The following JMJD1C variants were observed in gnomAD, a reference collection of about 807,000 sequenced individuals.
The protein encoded by JMJD1C is jumonji domain containing 1C.
In JMJD1C, 31 loss-of-function variants were observed where a neutral mutation model predicts 245.3. The ratio of observed to expected loss-of-function variants is 0.13; its 90% CI spans 0.09 to 0.17. The LOEUF is 0.17. Among genes scored for constraint, JMJD1C ranks in the 10% least tolerant of loss-of-function variants. JMJD1C has a pLI of 1.00. For missense variants in JMJD1C, 2,691 were observed against 3,000.2 expected, an observed-to-expected ratio of 0.90 and a Z score of 2.41; for synonymous variants, 1,057 against 1,017.4, an observed-to-expected ratio of 1.04 and a Z score of -0.74.
At chr10:63,343,101 T>C (rs1943515914) in intron 2 of JMJD1C, among the ~76,000 whole-genome samples, 1 of 152,054 alleles carries the variant, frequency 6.6e-6, no homozygotes, top group South Asian at 2.1e-4. Context: ...GTGGCTCGCG[T>C]CTGCAATCCC....
In JMJD1C at chr10:63,209,036, ATAATT is replaced by A. The variant is rs750551883; in HGVS notation, c.2867+22_2867+26del. 5.1e-6 allele frequency: 8 copies of A among 1,555,244 alleles called. No homozygotes were observed. The African/African-American group carries it at 1.1e-4, about 21-fold the overall frequency. ...AAGAAAAATTATGAACAAGGTATTT[ATAATT>A]TTTAAGCACTGGTGAACTTACTCCT... On this transcript the variant is annotated intron_variant, in intron 9 of 25. Coordinates refer to ENST00000399262, the MANE Select transcript of JMJD1C (RefSeq NM_032776.3).
chr10:63,276,613 C>T (rs1029783198), intron 2 of JMJD1C, among the ~76,000 whole-genome samples: 1 of 152,138 alleles, frequency 6.6e-6, no homozygotes. Flanking sequence ...TACAGGTGCC[C>T]ACCACCACTA....
In JMJD1C at chr10:63,181,648, C is replaced by T. The variant is rs115385467; in HGVS notation, c.7084+1799G>A. The stretch of plus-strand genomic sequence containing the variant: ...GATTATTTAAAATGTTGAAATTCTC[C>T]TGAAATTTTCTCGAAAGAAATATGC... On this transcript the variant is annotated intron_variant, in intron 22 of 25. Coordinates refer to ENST00000399262, the MANE Select transcript of JMJD1C (RefSeq NM_032776.3). 8.7e-3 allele frequency among the ~76,000 whole-genome samples: 1,332 copies of T among 152,234 alleles called. 21 individuals carry two copies. The highest frequency in any genetic ancestry group is 0.03 in the African/African-American group (1,258 of 41,552).
chr10:63,210,865 C>T (rs1589156775), intron 8 of JMJD1C, among the ~76,000 whole-genome samples: 1 of 152,174 alleles, frequency 6.6e-6, no homozygotes, highest in South Asian at 2.1e-4. Context: ...CACACAGGTT[C>T]CAGTATGACT....
At chr10:63,431,438 A>G (rs993732111) in intron 1 of JMJD1C, among the ~76,000 whole-genome samples, 1 of 152,208 alleles carries the variant, frequency 6.6e-6, no homozygotes, top group East Asian at 1.9e-4. Context: ...CTCCTAAAGT[A>G]TGGTGGTTTC....
chr10:63,424,570 G>C (rs1027726873), intron 1 of JMJD1C, among the ~76,000 whole-genome samples: 1 of 90,064 alleles, frequency 1.1e-5, no homozygotes, highest in Non-Finnish European at 2.7e-5. Flanking sequence ...ACAATGATGC[G>C]ACTGTGGCTC....
At chr10:63,217,061 T>C in intron 5 of JMJD1C, 146 bp downstream of exon 5, 1 of 652,422 alleles carries the variant, frequency 1.5e-6, no homozygotes, top group Non-Finnish European at 2.5e-6. Context: ...CTATGTAATA[T>C]CAGATACATT....
intron 1 of JMJD1C, among the ~76,000 whole-genome samples, chr10:63,409,543 G>A (rs190922666): frequency 6.6e-6 from 1 of 152,122 alleles, no homozygotes; most frequent in Admixed American, 6.5e-5. Flanking sequence ...GGTGAATGAA[G>A]GAAAAACAGA....
chr10:63,425,154 G>A (rs1950367637), intron 1 of JMJD1C, among the ~76,000 whole-genome samples: 2 of 152,120 alleles, frequency 1.3e-5, no homozygotes, highest in African/African-American at 2.4e-5. Flanking sequence ...TGGGAACCCT[G>A]AAGTAAAATA....
intron 2 of JMJD1C, among the ~76,000 whole-genome samples, chr10:63,315,576 T>A (rs1413186871): frequency 6.6e-6 from 1 of 152,088 alleles, no homozygotes; most frequent in South Asian, 2.1e-4. Context: ...CAGTGGCTCA[T>A]GCCTATAATC....
rs1847892984 is a variant in JMJD1C at position 63,215,643 on chromosome 10, A to G, written c.732T>C (p.Asp244=). The G allele has an allele frequency of 6.2e-7, 1 of 1,608,602 alleles. No individual in the cohort carries two copies. The highest frequency in any genetic ancestry group is 1.7e-4 in the Middle Eastern group (1 of 6,048). Residue 244 remains aspartate (D), a synonymous_variant, in exon 6 of 26, where the codon GAT becomes GAC. Coordinates refer to ENST00000399262, the MANE Select transcript of JMJD1C (RefSeq NM_032776.3). ...CTTTTAACAAAGAGTGAACAACATCATCTAGAAAGGTCATTTGAACCATAG... is the reference window on the plus strand; with the variant it reads ...CTTTTAACAAAGAGTGAACAACATCGTCTAGAAAGGTCATTTGAACCATAG... The part of the protein sequence containing the change: ...DPSMVQMTFL[D]DVVHSLLKGE...
At chr10:63,521,629 TGGGAAG>T in intron 1 of JMJD1C, 1 of 1,313,458 alleles carries the variant, frequency 7.6e-7, no homozygotes, top group Non-Finnish European at 1.0e-6. Context: ...AGGGGAGCTG[TGGGAAG>T]GGGAAGGAGC....
intron 1 of JMJD1C, among the ~76,000 whole-genome samples, chr10:63,457,854 T>G (rs1952513983): frequency 6.6e-6 from 1 of 152,214 alleles, no homozygotes; most frequent in Non-Finnish European, 1.5e-5. Flanking sequence ...AAAACTCTTT[T>G]CAGTTTTTCG....
chr10:63,216,824 G>A (rs1256612790), intron 5 of JMJD1C, among the ~76,000 whole-genome samples: 1 of 152,178 alleles, frequency 6.6e-6, no homozygotes, highest in Admixed American at 6.5e-5. Context: ...GAGAAGAAAT[G>A]TACTGTGTGT....
chr10:63,200,413 C>T (rs940542854), intron 11 of JMJD1C, 63 bp downstream of exon 11: 2 of 1,239,192 alleles, frequency 1.6e-6, no homozygotes, highest in African/African-American at 1.5e-5. Context: ...CAGAATAACA[C>T]TATATAATTT....
chr10:63,322,516 T>C (rs10740113), intron 2 of JMJD1C, among the ~76,000 whole-genome samples: 101,120 of 152,050 alleles, frequency 0.67, 36,211 homozygotes, highest in Non-Finnish European at 0.81. Flanking sequence ...CTTATTTGAA[T>C]TGTTAAAAAA....
intron 3 of JMJD1C, among the ~76,000 whole-genome samples, chr10:63,260,749 C>CT (rs61344600): frequency 2.5e-5 from 2 of 79,778 alleles, no homozygotes; most frequent in African/African-American, 6.0e-5. Flanking sequence ...GCCACCACGC[C>CT]GGTTAATTTT....
chr10:63,214,191 T>C lies in JMJD1C; in HGVS notation c.1976A>G (p.Lys659Arg). Reference sequence around the variant, plus strand: ...AGCTTGGCTGTTCACATAAGTGGCCTTAGACTTTACAGAATCAGGAGAATG... The same window carrying C: ...AGCTTGGCTGTTCACATAAGTGGCCCTAGACTTTACAGAATCAGGAGAATG... ...ITHSPDSVKSKATYVNSQATG... is the reference protein window; with the variant it reads ...ITHSPDSVKSRATYVNSQATG... Residue 659 changes from lysine (K) to arginine (R), a missense_variant, in exon 8 of 26, where the codon AAG (lysine) becomes AGG (arginine). Around this residue, in one of 9 missense-constraint regions of JMJD1C, gnomAD observed 1,562 missense variants for 1,490.7 expected, o/e 1.05. Coordinates refer to ENST00000399262, the MANE Select transcript of JMJD1C (RefSeq NM_032776.3). 1 of 1,614,108 alleles carries C rather than the reference T, an allele frequency of 6.2e-7. No homozygotes were observed. The highest frequency in any genetic ancestry group is 1.1e-5 in the South Asian group (1 of 91,084).
At chr10:63,285,701 A>C (rs896511866) in intron 2 of JMJD1C, among the ~76,000 whole-genome samples, 1 of 152,114 alleles carries the variant, frequency 6.6e-6, no homozygotes, top group Non-Finnish European at 1.5e-5. Context: ...CCAGCTACTC[A>C]GGAGGCTGAG....
Sources: gnomAD v4.1 joint callset for allele counts (sites outside exome capture counted in the v4.1 genomes callset) on GRCh38, gnomAD v4.1.1 for gene constraint, gnomAD v4.1.1 regional missense constraint, MANE v1.5 for transcripts, NCBI Gene and HGNC (gene_info 2026-07-23, HGNC 2026-07-21) for gene names.